EPS15: variants seen among roughly 807,000 people sequenced by gnomAD.
The protein encoded by EPS15 is epidermal growth factor receptor pathway substrate 15, also known as epidermal growth factor receptor substrate 15.
A neutral mutation model predicts 113.8 loss-of-function variants in EPS15; 72 were observed. That is an observed-to-expected ratio of 0.63 (90% confidence interval 0.52 to 0.77). The LOEUF (loss-of-function observed/expected upper bound fraction) is 0.77, where lower values mean the gene tolerates loss of function less well. EPS15 is among the 30% of genes least tolerant of loss of function. EPS15 has a pLI of 0.00. For missense variants in EPS15, 1,048 were observed against 1,045.8 expected (o/e 1.00, Z -0.03); for synonymous variants, 344 against 363.4 (o/e 0.95, Z 0.61).
chr1:51,510,184 C>T (rs2148564445), intron 1 of EPS15, among the ~76,000 whole-genome samples: 1 of 152,256 alleles, frequency 6.6e-6, no homozygotes, highest in East Asian at 1.9e-4. Flanking sequence ...TTGACCTCCT[C>T]CCCAATACAC....
At chr1:51,501,987 C>A (rs1644422434) in intron 1 of EPS15, among the ~76,000 whole-genome samples, 1 of 152,102 alleles carries the variant, frequency 6.6e-6, no homozygotes, top group African/African-American at 2.4e-5. Context: ...ACCCTCTGGC[C>A]AAGTGAGGTG....
intron 1 of EPS15, among the ~76,000 whole-genome samples, chr1:51,503,684 C>G (rs573124324): frequency 5.1e-4 from 77 of 152,124 alleles, no homozygotes; most frequent in Non-Finnish European, 8.5e-4. Flanking sequence ...CTAACACATC[C>G]CAATTTCAAA....
intron 21 of EPS15, among the ~76,000 whole-genome samples, chr1:51,389,057 CA>C (rs1294791348): frequency 2.0e-5 from 3 of 152,120 alleles, no homozygotes; most frequent in African/African-American, 7.2e-5. Flanking sequence ...AACATTGATG[CA>C]AAAATCCTCA....
chr1:51,408,281 AAGTGGAGATC>A lies in EPS15; in HGVS notation c.1317_1326del (p.Gln439HisfsTer13). On this transcript the variant is annotated frameshift_variant, in exon 15 of 25. Transcript: ENST00000371733. LOFTEE classifies it high-confidence loss of function. ...CTAGCTTTTGCCAATTCTTCTTCGT[AAGTGGAGATC>A]TGCGATTCCTGACTAGTTAATTCAG... 1.2e-6 allele frequency: 2 copies of A among 1,613,836 alleles called. No homozygotes were observed. Among genetic ancestry groups the A allele is most frequent in the Non-Finnish European group, 1.7e-6 (2 of 1,179,700 alleles).
Position 51,445,006 on chromosome 1 carries a change from C to T in EPS15, c.837G>A (p.Lys279=). 60 of 1,613,942 alleles carry T rather than the reference C, an allele frequency of 3.7e-5. No homozygotes were observed. Among genetic ancestry groups the T allele is most frequent in the Non-Finnish European group, 5.1e-5 (60 of 1,179,888 alleles). The part of the protein sequence containing the change: ...CDTKDCGKLS[K]DQFALAFHLI... Reference sequence around the variant, plus strand: ...AGTGAAAAGCCAAGGCAAACTGATCCTTTGAAAGCTTCCCACAGTCCTTTG... The same window carrying T: ...AGTGAAAAGCCAAGGCAAACTGATCTTTTGAAAGCTTCCCACAGTCCTTTG... The change falls in exon 11 of 25, where the codon AAG becomes AAA. Residue 279 remains lysine, a synonymous_variant. Transcript: ENST00000371733.
At chr1:51,359,369 G>C (rs1646323577) in intron 24 of EPS15, among the ~76,000 whole-genome samples, 1 of 150,946 alleles carries the variant, frequency 6.6e-6, no homozygotes, top group Non-Finnish European at 1.5e-5. Context: ...GCTTGAACCT[G>C]GGAGGTGGAG....
chr1:51,368,661 G>A (rs916845297), intron 21 of EPS15, among the ~76,000 whole-genome samples: 42 of 149,704 alleles, frequency 2.8e-4, no homozygotes, highest in African/African-American at 1.0e-3. Context: ...GCAGTGGCAC[G>A]ATCTCGGCTC....
chr1:51,460,162 T>C (rs944290101), intron 8 of EPS15, among the ~76,000 whole-genome samples: 1 of 152,138 alleles, frequency 6.6e-6, no homozygotes, highest in Non-Finnish European at 1.5e-5. Context: ...TATCACAAAT[T>C]TGTAGCAACA....
Position 51,403,435 on chromosome 1 carries a change from T to G in EPS15, c.1775A>C (p.Asn592Thr). The G allele has an allele frequency of 6.3e-7, 1 of 1,596,302 alleles. No homozygotes were observed. The highest frequency in any genetic ancestry group is 1.1e-5 in the South Asian group (1 of 89,794). The change falls in exon 17 of 25, where the codon AAT (asparagine) becomes ACT (threonine). Residue 592 changes from asparagine (N) to threonine (T), a missense_variant. Transcript: ENST00000371733. ...TEKVCSELDN[N>T]RHSKEEDPFN... is the part of the protein sequence containing the mutation. ...ATTTTTTACCTCTTTTGAATGTCTATTATTGTCGAGTTCAGAACAAACTTT... is the reference window on the plus strand; with the variant it reads ...ATTTTTTACCTCTTTTGAATGTCTAGTATTGTCGAGTTCAGAACAAACTTT...
chr1:51,393,300 T>G (rs1647577405), intron 21 of EPS15, among the ~76,000 whole-genome samples: 1 of 152,308 alleles, frequency 6.6e-6, no homozygotes, highest in Middle Eastern at 3.4e-3. Flanking sequence ...CATTGCAACC[T>G]CCGCCTTCTG....
intron 10 of EPS15, among the ~76,000 whole-genome samples, 193 bp from the exon 11 acceptor site, chr1:51,445,238 T>C (rs1236719258): frequency 6.6e-6 from 1 of 152,218 alleles, no homozygotes; most frequent in East Asian, 1.9e-4. Flanking sequence ...AAAGAGAATG[T>C]TCACCCTGGT....
intron 14 of EPS15, 82 bp from the exon 15 acceptor site, chr1:51,408,414 T>C (rs1403041122): frequency 1.0e-6 from 1 of 991,484 alleles, no homozygotes; most frequent in Non-Finnish European, 1.5e-6. Context: ...AATACATTTA[T>C]TTGTTTAGTT....
rs35168963 is a variant in EPS15, at chr1:51,498,517, C to CA, written c.34-17204dup. Among the ~76,000 whole-genome samples, 1,228 of 152,136 alleles carry CA rather than the reference C, an allele frequency of 8.1e-3. 10 individuals carry two copies. The highest frequency in any genetic ancestry group is 0.018 in the Admixed American group (270 of 15,284). ...ATGCTTTGTATTAGATGATTTTGCC[C>CA]AATTGTAGGCTAATGTAAGTGTTCT... On this transcript the variant is annotated intron_variant, in intron 1 of 24. Coordinates refer to ENST00000371733, the MANE Select transcript of EPS15 (RefSeq NM_001981.3).
chr1:51,404,748 T>C (rs1648934922), intron 16 of EPS15, among the ~76,000 whole-genome samples: 1 of 152,186 alleles, frequency 6.6e-6, no homozygotes, highest in African/African-American at 2.4e-5. Context: ...CTAAAATTGG[T>C]CATTTTTATC....
chr1:51,419,715 G>C (rs1424101132), intron 13 of EPS15, among the ~76,000 whole-genome samples: 1 of 152,092 alleles, frequency 6.6e-6, no homozygotes, highest in African/African-American at 2.4e-5. Context: ...AGTAAGTATT[G>C]AGAGTTGGAG....
chr1:51,440,465 T>C (rs1404429065), intron 11 of EPS15, 33 bp from the exon 12 acceptor site: 4 of 1,079,224 alleles, frequency 3.7e-6, no homozygotes, highest in Non-Finnish European at 5.4e-6. Context: ...TATACATTAC[T>C]ATAAAATTAG....
chr1:51,457,323 G>A (rs1419027767), intron 8 of EPS15, among the ~76,000 whole-genome samples: 1 of 151,732 alleles, frequency 6.6e-6, no homozygotes, highest in Non-Finnish European at 1.5e-5. Context: ...AAAAGAACAT[G>A]ATGGGGAAGA....
intron 11 of EPS15, among the ~76,000 whole-genome samples, chr1:51,443,693 G>A (rs191675062): frequency 3.8e-4 from 58 of 151,664 alleles, no homozygotes; most frequent in Admixed American, 5.9e-4. Flanking sequence ...CTGTTGCCCC[G>A]GCTGGAGTGT....
chr1:51,414,073 A>G (rs1287039243), intron 13 of EPS15, among the ~76,000 whole-genome samples: 1 of 152,130 alleles, frequency 6.6e-6, no homozygotes, highest in Non-Finnish European at 1.5e-5. Context: ...AAATATTTTA[A>G]AAGAATGTTA....
Sources: allele counts gnomAD v4.1 joint callset (sites outside exome capture counted in the v4.1 genomes callset), GRCh38; gene constraint gnomAD v4.1.1; transcripts MANE v1.5; gene names NCBI Gene and HGNC (gene_info 2026-07-23, HGNC 2026-07-21).